TAF12: variants seen among roughly 807,000 people sequenced by gnomAD.
TAF12 encodes the protein transcription initiation factor TFIID subunit 12.
A neutral mutation model predicts 20.8 loss-of-function variants in TAF12; 3 were observed. The observed-to-expected ratio is 0.14, with a 90% confidence interval of 0.07 to 0.37. The LOEUF is 0.37. TAF12 is among the 10% of genes least tolerant of loss of function. TAF12 has a pLI of 1.00. For synonymous variants in TAF12, 69 were observed against 70.2 expected (o/e 0.98, Z 0.09); for missense variants, 131 against 197.9 (o/e 0.66, Z 2.03).
chr1:28,637,425 G>T (rs368180777), intron 1 of TAF12, among the ~76,000 whole-genome samples: 73 of 152,168 alleles, frequency 4.8e-4, no homozygotes, highest in African/African-American at 1.7e-3. Flanking sequence ...CTAGAACTTT[G>T]GGAGGCCGAG....
intron 1 of TAF12, 174 bp downstream of exon 1, chr1:28,642,818 C>T: frequency 2.0e-6 from 2 of 985,516 alleles, no homozygotes; most frequent in Non-Finnish European, 2.4e-6. Context: ...CGGGTCCCCA[C>T]AGCCGCGTCT....
intron 1 of TAF12, among the ~76,000 whole-genome samples, chr1:28,639,017 C>T (rs1168769189): frequency 1.3e-4 from 20 of 151,342 alleles, no homozygotes; most frequent in South Asian, 4.2e-4. Context: ...CCTCGTGATC[C>T]GCCCACCTCG....
intron 1 of TAF12, among the ~76,000 whole-genome samples, chr1:28,623,349 CCA>C (rs1489237280): frequency 6.6e-6 from 1 of 151,966 alleles, no homozygotes; most frequent in Admixed American, 6.6e-5. Context: ...TGGAGAAACC[CCA>C]ACTCTACTAA....
At chr1:28,608,158 G>A (rs1008847709) in intron 4 of TAF12, among the ~76,000 whole-genome samples, 7 of 145,280 alleles carry the variant, frequency 4.8e-5, no homozygotes, top group Admixed American at 7.0e-5. Flanking sequence ...AGTGAAACCC[G>A]GTCTCTACTA....
At chr1:28,645,257 G>A (rs1414630359), upstream of TAF12, among the ~76,000 whole-genome samples, 7 of 150,258 alleles carry the variant, frequency 4.7e-5, no homozygotes, top group East Asian at 2.0e-4. Flanking sequence ...GGATGGTCTC[G>A]ATCTCCTGAC....
At chr1:28,605,198 T>C (rs1345825811) in intron 5 of TAF12, 174 bp downstream of exon 5, 11 of 613,824 alleles carry the variant, frequency 1.8e-5, no homozygotes, top group Non-Finnish European at 2.3e-5. Flanking sequence ...GAATATCTTA[T>C]TGATCTCCCG....
At chr1:28,634,428 A>C (rs913311731) in intron 1 of TAF12, among the ~76,000 whole-genome samples, 32 of 151,574 alleles carry the variant, frequency 2.1e-4, no homozygotes, top group African/African-American at 7.0e-4. Context: ...AAAAAAAAAA[A>C]AAAAAAAACC....
At position 28,621,400 on chromosome 1, in the gene TAF12, T is replaced by C. The variant is rs4252984; in HGVS notation, c.168+514A>G. 8.1e-4 allele frequency among the ~76,000 whole-genome samples: 123 copies of C among 152,220 alleles called. 2 individuals are homozygous for C. The East Asian group carries it at 0.022, about 27-fold the overall frequency. On this transcript the variant is annotated intron_variant, in intron 2 of 5. Transcript: ENST00000373824. ...TGCAGAAAATTAATAATGGCAGCAA[T>C]TGGATGAACTAGAAGATGGAATGAC...
chr1:28,644,924 TCTCA>T (rs1260092414), upstream of TAF12, among the ~76,000 whole-genome samples: 2 of 152,164 alleles, frequency 1.3e-5, no homozygotes, highest in African/African-American at 4.8e-5. Flanking sequence ...TGATACAGGG[TCTCA>T]CTCTGTCACC....
intron 2 of TAF12, among the ~76,000 whole-genome samples, chr1:28,620,941 C>A (rs1481947735): frequency 6.6e-6 from 1 of 152,174 alleles, no homozygotes; most frequent in African/African-American, 2.4e-5. Context: ...TAGAATTGGT[C>A]ATCCACCCAG....
At chr1:28,617,726 C>T (rs1667089179) in intron 3 of TAF12, among the ~76,000 whole-genome samples, 1 of 152,044 alleles carries the variant, frequency 6.6e-6, no homozygotes, top group South Asian at 2.1e-4. Context: ...GCTGGGATTA[C>T]AGGAGTGAGC....
intron 5 of TAF12, 28 bp from the exon 6 acceptor site, chr1:28,603,602 T>G: frequency 6.2e-7 from 1 of 1,613,416 alleles, no homozygotes; most frequent in East Asian, 2.2e-5. Context: ...TAAGCAGTTA[T>G]ACAGCAGCAG....
upstream of TAF12, chr1:28,646,134 C>T (rs1281681643): frequency 2.0e-5 from 3 of 151,654 alleles, no homozygotes; most frequent in Non-Finnish European, 4.4e-5. Flanking sequence ...TTAGCCTCAG[C>T]ATGGTGGTGT....
intron 1 of TAF12, among the ~76,000 whole-genome samples, chr1:28,626,202 C>A (rs1261973025): frequency 6.6e-6 from 1 of 150,628 alleles, no homozygotes; most frequent in Non-Finnish European, 1.5e-5. Context: ...TAGTCTCAAA[C>A]TCCTGACCTC....
intron 5 of TAF12, among the ~76,000 whole-genome samples, chr1:28,604,156 C>T (rs904463739): frequency 5.3e-5 from 8 of 152,214 alleles, no homozygotes; most frequent in Middle Eastern, 6.8e-3. Flanking sequence ...CCACCAGGCT[C>T]GGCCTCCCAA....
chr1:28,639,163 C>T (rs532031656), intron 1 of TAF12, among the ~76,000 whole-genome samples: 2 of 150,308 alleles, frequency 1.3e-5, no homozygotes, highest in Non-Finnish European at 3.0e-5. Context: ...CAACTTCCAC[C>T]TCCCACCTTC....
In TAF12 at chr1:28,616,143, TC is replaced by T. The variant is rs1667034044; in HGVS notation, c.246+1809del. ...CGGGCATAGTGGCTCAGACCTATAA[TC>T]CCAGCACTGTGGGAGGCTGAGGTGG... is the stretch of plus-strand genomic sequence containing the variant. On this transcript the variant is annotated intron_variant, in intron 3 of 5. Transcript: ENST00000373824. Among the ~76,000 whole-genome samples, 4 of 152,116 alleles carry T rather than the reference TC, an allele frequency of 2.6e-5. No homozygotes were observed. The South Asian group carries it at 8.3e-4, about 31-fold the overall frequency.
chr1:28,605,348 C>G (rs373455583), intron 5 of TAF12, 24 bp downstream of exon 5: 102 of 1,609,486 alleles, frequency 6.3e-5, no homozygotes, highest in Non-Finnish European at 8.5e-5. Flanking sequence ...CCTGGCTGTC[C>G]CCAGGGCTCT....
At chr1:28,635,337 G>A (rs1183298785) in intron 1 of TAF12, among the ~76,000 whole-genome samples, 1 of 105,700 alleles carries the variant, frequency 9.5e-6, no homozygotes, top group East Asian at 2.8e-4. Flanking sequence ...AGGCTACAGT[G>A]CAGTGTCGCC....
Sources: gnomAD v4.1 joint callset for allele counts (sites outside exome capture counted in the v4.1 genomes callset) on GRCh38, gnomAD v4.1.1 for gene constraint, MANE v1.5 for transcripts, NCBI Gene and HGNC (gene_info 2026-07-23, HGNC 2026-07-21) for gene names.